The following GHR variants were observed in gnomAD, a reference collection of about 807,000 sequenced individuals.
GHR encodes growth hormone receptor, also known as GH receptor.
GHR carries 35 observed loss-of-function variants against 67.1 expected under a neutral mutation model. That is an observed-to-expected ratio of 0.52 (90% CI 0.40 to 0.69). The LOEUF (loss-of-function observed/expected upper bound fraction) is 0.69. GHR is among the 30% of genes least tolerant of loss of function. The pLI is 0.00. For missense variants in GHR, 792 were observed against 764.6 expected, an observed-to-expected ratio of 1.04 and a Z score of -0.42; for synonymous variants, 272 against 269.1, an observed-to-expected ratio of 1.01 and a Z score of -0.10.
intron 3 of GHR, among the ~76,000 whole-genome samples, chr5:42,680,861 T>TC (rs1756830330): frequency 6.6e-6 from 1 of 151,490 alleles, no homozygotes; most frequent in African/African-American, 2.4e-5. Flanking sequence ...TTATTTTTTT[T>TC]TATTATACTT....
At chr5:42,679,919 AG>A (rs148513091) in intron 3 of GHR, among the ~76,000 whole-genome samples, 2,418 of 152,356 alleles carry the variant, frequency 0.016, 23 homozygotes, top group Middle Eastern at 0.051. Context: ...TGTTGAATGC[AG>A]TAACTTCTTT....
At chr5:42,446,750 T>C (rs1296890875) in intron 1 of GHR, among the ~76,000 whole-genome samples, 2 of 152,250 alleles carry the variant, frequency 1.3e-5, no homozygotes, top group Non-Finnish European at 1.5e-5. Context: ...CTAGTGTTTA[T>C]CACCAAATCT....
At chr5:42,540,384 A>C (rs2112375310) in intron 1 of GHR, among the ~76,000 whole-genome samples, 1 of 152,336 alleles carries the variant, frequency 6.6e-6, no homozygotes, top group South Asian at 2.1e-4. Context: ...TCTAGGAATA[A>C]GAATTGTCCA....
intron 1 of GHR, among the ~76,000 whole-genome samples, chr5:42,529,410 T>A (rs1026231556): frequency 5.9e-5 from 9 of 152,188 alleles, no homozygotes; most frequent in African/African-American, 2.2e-4. Context: ...AACTGCAGTA[T>A]CTTCAAGGTA....
rs144005859 is a variant in GHR, at chr5:42,607,979, T to C, written c.71-21059T>C. On this transcript the variant is annotated intron_variant, in intron 2 of 9. Coordinates refer to ENST00000230882, the MANE Select transcript of GHR (RefSeq NM_000163.5). ...CTGAAGTTACCTGTTTTGTCAGTTA[T>C]GATCTAGGCTGATTCTAACTACCTA... Among the ~76,000 whole-genome samples, 492 of 152,356 alleles carry C rather than the reference T, an allele frequency of 3.2e-3. 1 individual carries two copies. The highest frequency in any genetic ancestry group is 0.011 in the African/African-American group (477 of 41,588).
chr5:42,582,816 A>T (rs1040075494), intron 2 of GHR, among the ~76,000 whole-genome samples: 4 of 152,220 alleles, frequency 2.6e-5, no homozygotes, highest in Admixed American at 2.6e-4. Context: ...ATTTGCGTAC[A>T]TCAGATGCAG....
chr5:42,718,520 G>A lies in GHR; in HGVS notation c.1013G>A (p.Ser338Asn). The A allele has an allele frequency of 6.2e-7, 1 of 1,613,170 alleles. No individual in the cohort carries two copies. The highest frequency in any genetic ancestry group is 1.7e-5 in the Admixed American group (1 of 60,016). ...GATAGCTATAAACCCGAATTCCACA[G>A]TGATGACTCTTGGGTTGAATTTATT... The part of the protein sequence containing the change: ...IHDSYKPEFH[S>N]DDSWVEFIEL... The change falls in exon 10 of 10, where the codon AGT (serine) becomes AAT (asparagine). Residue 338 changes from serine to asparagine, a missense_variant. Transcript: ENST00000230882.
intron 1 of GHR, among the ~76,000 whole-genome samples, chr5:42,445,617 A>G (rs1030825138): frequency 2.6e-5 from 4 of 152,208 alleles, no homozygotes; most frequent in Non-Finnish European, 4.4e-5. Context: ...AGTTTTCTCA[A>G]AATATTCCTG....
At chr5:42,495,176 A>T (rs1746269372) in intron 1 of GHR, among the ~76,000 whole-genome samples, 1 of 151,970 alleles carries the variant, frequency 6.6e-6, no homozygotes, top group Admixed American at 6.6e-5. Context: ...CAAGAAAGAG[A>T]GCAGCAAATA....
intron 1 of GHR, chr5:42,467,214 G>T: frequency 6.6e-7 from 1 of 1,520,450 alleles, no homozygotes; most frequent in Non-Finnish European, 9.1e-7. Flanking sequence ...ATTCACTGCA[G>T]TCATAAGGTT....
chr5:42,508,286 A>G (rs1746862906), intron 1 of GHR, among the ~76,000 whole-genome samples: 1 of 152,210 alleles, frequency 6.6e-6, no homozygotes, highest in South Asian at 2.1e-4. Flanking sequence ...AATAAAATAA[A>G]GAGAAAATTC....
rs747888560 is a variant in GHR at position 42,699,971 on chromosome 5, A to C, written c.587A>C (p.Tyr196Ser). 1.9e-6 allele frequency: 3 copies of C among 1,602,518 alleles called. No homozygotes were observed. In the East Asian group the frequency reaches 6.7e-5, roughly 36 times the overall value. Reference protein sequence around the residue: ...GWMVLEYELQYKEVNETKWKM... With the variant: ...GWMVLEYELQSKEVNETKWKM... ...ATGGTTCTGGAGTATGAACTTCAAT[A>C]CAAAGAAGTAAATGAAACTAAATGG... is the stretch of plus-strand genomic sequence containing the variant. The change falls in exon 6 of 10, where the codon TAC becomes TCC. Residue 196 changes from tyrosine to serine, a missense_variant. Tyr to Ser is a moderately radical substitution (Grantham distance 144). Coordinates refer to ENST00000230882, the MANE Select transcript of GHR (RefSeq NM_000163.5).
chr5:42,706,953 T>C (rs762616260), intron 6 of GHR, among the ~76,000 whole-genome samples: 22 of 152,224 alleles, frequency 1.4e-4, no homozygotes, highest in African/African-American at 2.4e-4. Context: ...AGGCATTGCA[T>C]TGAATGTGTA....
intron 1 of GHR, among the ~76,000 whole-genome samples, chr5:42,474,245 G>GACAGACAGAAAGAA (rs1745142083): frequency 8.3e-6 from 1 of 120,792 alleles, no homozygotes; most frequent in Non-Finnish European, 1.7e-5. Context: ...AAGAAAGAGA[G>GACAGACAGAAAGAA]AGAAAGACAG....
intron 3 of GHR, among the ~76,000 whole-genome samples, chr5:42,636,209 CA>C (rs11373491): frequency 0.065 from 5,339 of 81,904 alleles, 40 homozygotes; most frequent in African/African-American, 0.09. Context: ...GACCCCGTTT[CA>C]AAAAAAAAAA....
At chr5:42,499,480 A>G (rs944405810) in intron 1 of GHR, among the ~76,000 whole-genome samples, 2 of 152,166 alleles carry the variant, frequency 1.3e-5, no homozygotes, top group African/African-American at 4.8e-5. Flanking sequence ...TACAGTTTTC[A>G]TGTTGATAAT....
intron 1 of GHR, chr5:42,468,138 T>G: frequency 7.8e-7 from 1 of 1,280,704 alleles, no homozygotes; most frequent in Non-Finnish European, 1.1e-6. Context: ...GCACCTTTTC[T>G]TCCTCTTCTG....
At position 42,650,671 on chromosome 5, in the gene GHR, G is replaced by A. The variant is rs1309219079; in HGVS notation, c.136+21568G>A. 1.3e-5 allele frequency among the ~76,000 whole-genome samples: 2 copies of A among 150,474 alleles called. 1 individual carries two copies. The highest frequency in any genetic ancestry group is 4.9e-5 in the African/African-American group (2 of 40,790). On this transcript the variant is annotated intron_variant, in intron 3 of 9. Coordinates refer to ENST00000230882, the MANE Select transcript of GHR (RefSeq NM_000163.5). ...TATTACTTTGTAATCACATCAGGCG[G>A]CACTGATGGTTGAAATAAAATGTGT...
At chr5:42,580,926 C>T (rs550774847) in intron 2 of GHR, among the ~76,000 whole-genome samples, 4 of 152,308 alleles carry the variant, frequency 2.6e-5, no homozygotes, top group South Asian at 2.1e-4. Flanking sequence ...GTGGCAGAAG[C>T]GTGGCCCCTG....
Sources: allele counts gnomAD v4.1 joint callset (sites outside exome capture counted in the v4.1 genomes callset), GRCh38; gene constraint gnomAD v4.1.1; transcripts MANE v1.5; gene names NCBI Gene and HGNC (gene_info 2026-07-23, HGNC 2026-07-21).